Variants in GRIN2A observed in about 807,000 individuals in gnomAD.
GRIN2A encodes the protein glutamate receptor ionotropic, NMDA 2A.
In GRIN2A, 22 loss-of-function variants were observed where a neutral mutation model predicts 113.4. The ratio of observed to expected loss-of-function variants is 0.19; its 90% confidence interval spans 0.14 to 0.28. The LOEUF (loss-of-function observed/expected upper bound fraction) is 0.28, where lower values mean the gene tolerates loss of function less well. GRIN2A is among the 10% of genes least tolerant of loss of function. The pLI is 1.00. For missense variants in GRIN2A, 1,502 were observed against 1,887.0 expected (o/e 0.80, Z 3.78); for synonymous variants, 827 against 738.4 (o/e 1.12, Z -1.94).
intron 9 of GRIN2A, among the ~76,000 whole-genome samples, chr16:9,825,181 T>G (rs746053619): frequency 2.6e-5 from 4 of 152,210 alleles, no homozygotes; most frequent in Non-Finnish European, 5.9e-5. Context: ...CAAGTTCAGG[T>G]TCTCATCTGC....
intron 10 of GRIN2A, among the ~76,000 whole-genome samples, chr16:9,811,655 A>T (rs2042089470): frequency 6.6e-6 from 1 of 152,188 alleles, no homozygotes; most frequent in Non-Finnish European, 1.5e-5. Flanking sequence ...AGTACTCGGG[A>T]TGCTGAGGCA....
intron 2 of GRIN2A, among the ~76,000 whole-genome samples, chr16:10,104,567 C>T: frequency 6.6e-6 from 1 of 152,150 alleles, no homozygotes; most frequent in Admixed American, 6.5e-5. Flanking sequence ...CTTGCACGAG[C>T]ACAATTTTAC....
At chr16:9,985,650 A>G (rs2141794276) in intron 2 of GRIN2A, among the ~76,000 whole-genome samples, 1 of 152,264 alleles carries the variant, frequency 6.6e-6, no homozygotes, top group South Asian at 2.1e-4. Flanking sequence ...AAATTAAAAC[A>G]ATTGAACTCA....
chr16:10,116,240 G>A (rs1255954455), intron 2 of GRIN2A, among the ~76,000 whole-genome samples: 4 of 152,190 alleles, frequency 2.6e-5, no homozygotes, highest in Non-Finnish European at 5.9e-5. Flanking sequence ...AAAACCACAT[G>A]TTCTCACTCA....
chr16:9,838,894 C>T (rs2042625930), intron 7 of GRIN2A, among the ~76,000 whole-genome samples: 3 of 152,038 alleles, frequency 2.0e-5, no homozygotes, highest in Admixed American at 2.0e-4. Context: ...ATAATGGACA[C>T]TGGAGACTCA....
At chr16:10,060,059 T>C (rs73508653) in intron 2 of GRIN2A, among the ~76,000 whole-genome samples, 4,480 of 152,174 alleles carry the variant, frequency 0.029, 237 homozygotes, top group African/African-American at 0.1. Flanking sequence ...CTGATAGGAA[T>C]TGGGACCCTG....
chr16:9,975,794 C>T (rs913043247), intron 2 of GRIN2A, among the ~76,000 whole-genome samples: 4 of 152,144 alleles, frequency 2.6e-5, no homozygotes, highest in Non-Finnish European at 4.4e-5. Flanking sequence ...AATGTAAAGA[C>T]GCAGACAGAT....
chr16:10,039,813 A>AAGAGAGAGAGAGAGAGAGAG (rs142696536), intron 2 of GRIN2A, among the ~76,000 whole-genome samples: 1 of 73,582 alleles, frequency 1.4e-5, no homozygotes, highest in Non-Finnish European at 2.5e-5. Flanking sequence ...GGGGGGGAGA[A>AAGAGAGAGAGAGAGAGAGAG]AGAGAGAGAG....
At chr16:10,041,000 C>T (rs1308841632) in intron 2 of GRIN2A, among the ~76,000 whole-genome samples, 1 of 152,260 alleles carries the variant, frequency 6.6e-6, no homozygotes, top group South Asian at 2.1e-4. Context: ...GACATCAAAG[C>T]CCCCTGGCAA....
chr16:9,990,736 T>C (rs557589541), intron 2 of GRIN2A, among the ~76,000 whole-genome samples: 3 of 152,180 alleles, frequency 2.0e-5, no homozygotes, highest in South Asian at 2.1e-4. Flanking sequence ...ACAGAGTTTG[T>C]AAGGTAGGTT....
chr16:10,172,195 C>G lies in GRIN2A; in HGVS notation c.414+7803G>C, dbSNP rs75588126. Among the ~76,000 whole-genome samples, 5 of 152,348 alleles carry G rather than the reference C, an allele frequency of 3.3e-5. No homozygotes were observed. In the East Asian group the frequency reaches 9.6e-4, roughly 29 times the overall value. ...GGTTCAGACAGGTGAAGGGCCTTTT[C>G]TAAGGTCACACAGGTATTTTTGAAA... On this transcript the variant is annotated intron_variant, in intron 2 of 12. Coordinates refer to ENST00000330684, the MANE Select transcript of GRIN2A (RefSeq NM_001134407.3).
At chr16:9,836,450 G>A (rs904370586) in intron 7 of GRIN2A, among the ~76,000 whole-genome samples, 3 of 152,210 alleles carry the variant, frequency 2.0e-5, no homozygotes, top group Admixed American at 2.0e-4. Flanking sequence ...ATTATCCTAT[G>A]TGCATGTAAG....
rs988831643 is a variant in GRIN2A, at chr16:9,759,999, A to G, written c.*3150T>C. On this transcript the variant is annotated 3_prime_UTR_variant, in exon 13 of 13. Transcript: ENST00000330684. ...GACCCAACCGTTTGCATTCAAGTGT[A>G]CCTATCTGAGGACTAGTTGGGTCCT... 8.7e-6 allele frequency: 2 copies of G among 231,060 alleles called. No individual in the cohort carries two copies. The highest frequency in any genetic ancestry group is 8.6e-6 in the Non-Finnish European group (1 of 116,764). 14.3% of individuals were successfully genotyped at this position (231,060 alleles called of 1,614,324 possible).
chr16:10,024,386 C>T (rs1169165281), intron 2 of GRIN2A, among the ~76,000 whole-genome samples: 4 of 152,148 alleles, frequency 2.6e-5, no homozygotes, highest in African/African-American at 9.7e-5. Flanking sequence ...CCACACCCAG[C>T]TAATTTTATT....
intron 2 of GRIN2A, among the ~76,000 whole-genome samples, chr16:10,116,245 C>A (rs1229938550): frequency 6.6e-6 from 1 of 152,204 alleles, no homozygotes. Context: ...CACATGTTCT[C>A]ACTCATAAGT....
chr16:10,108,633 C>G (rs145322523), intron 2 of GRIN2A, among the ~76,000 whole-genome samples: 1 of 152,132 alleles, frequency 6.6e-6, no homozygotes, highest in Non-Finnish European at 1.5e-5. Context: ...ACTTAGTGTA[C>G]GATGTAGCCG....
At chr16:10,098,425 C>G (rs558303651) in intron 2 of GRIN2A, among the ~76,000 whole-genome samples, 1 of 152,326 alleles carries the variant, frequency 6.6e-6, no homozygotes, top group African/African-American at 2.4e-5. Flanking sequence ...AGGAGAACTA[C>G]CATTTGGCAC....
Position 9,757,848 on chromosome 16 carries a change from G to A in GRIN2A, c.*5301C>T. 4.4e-6 allele frequency: 1 copy of A among 225,960 alleles called. No individual in the cohort carries two copies. 14.0% of individuals were successfully genotyped at this position (225,960 alleles called of 1,614,324 possible). On this transcript the variant is annotated 3_prime_UTR_variant, in exon 13 of 13. Coordinates refer to ENST00000330684, the MANE Select transcript of GRIN2A (RefSeq NM_001134407.3). ...GAAAACCAAATTCAAAGAAGCATGG[G>A]TAGGTCTTTCTGGGGCAAGTGGCAA...
intron 2 of GRIN2A, among the ~76,000 whole-genome samples, chr16:10,166,162 C>T (rs569609390): frequency 8.5e-5 from 13 of 152,256 alleles, no homozygotes; most frequent in East Asian, 1.9e-4. Context: ...ACTAGCAAGA[C>T]GATATGGATT....
Sources: allele counts gnomAD v4.1 joint callset (sites outside exome capture counted in the v4.1 genomes callset), GRCh38; gene constraint gnomAD v4.1.1; transcripts MANE v1.5; gene names NCBI Gene and HGNC (gene_info 2026-07-23, HGNC 2026-07-21).